The following TTN variants were observed in gnomAD, a reference collection of about 807,000 sequenced individuals.
The protein encoded by TTN is titin, also known as connectin.
In TTN, 1,525 loss-of-function variants were observed where a neutral mutation model predicts 3,223.0. That is an observed-to-expected ratio of 0.47 (90% CI 0.45 to 0.49). TTN has a LOEUF of 0.49. TTN is among the 20% of genes least tolerant of loss of function. TTN has a pLI of 0.00. For missense variants in TTN, 40,786 were observed against 43,424.0 expected, an observed-to-expected ratio of 0.94 and a Z score of 5.40; for synonymous variants, 14,094 against 15,161.0, an observed-to-expected ratio of 0.93 and a Z score of 5.17.
Position 178,671,124 on chromosome 2 carries a change from A to G in TTN, c.35274T>C (p.Thr11758=). 1 of 1,605,108 alleles carries G rather than the reference A, an allele frequency of 6.2e-7. No individual in the cohort carries two copies. The highest frequency in any genetic ancestry group is 8.5e-7 in the Non-Finnish European group (1 of 1,176,256). ...EKIIPPKKPP[T]KVVPRKEPPA... Reference sequence around the variant, plus strand: ...GTGGCTCTTTTCGAGGAACAACTTTAGTGGGCGGTTTTTTTGGAGGGATGA... The same window carrying G: ...GTGGCTCTTTTCGAGGAACAACTTTGGTGGGCGGTTTTTTTGGAGGGATGA... The change falls in exon 156 of 363, where the codon ACT becomes ACC. Residue 11758 remains threonine, a synonymous_variant. Transcript: ENST00000589042.
At chr2:178,644,669 G>A (rs2061657553) in intron 217 of TTN, 53 bp from the exon 218 acceptor site, 3 of 1,352,934 alleles carry the variant, frequency 2.2e-6, no homozygotes, top group Admixed American at 5.9e-5. Flanking sequence ...TCTGAAGCAA[G>A]TGATTAACTT....
chr2:178,548,796 G>A lies in TTN; in HGVS notation c.92830C>T (p.Arg30944Cys), dbSNP rs1393282264. 13 of 1,612,664 alleles carry A rather than the reference G, an allele frequency of 8.1e-6. No individual in the cohort carries two copies. Among genetic ancestry groups the A allele is most frequent in the East Asian group, 2.2e-5 (1 of 44,862 alleles). Residue 30944 changes from arginine (R) to cysteine (C), a missense_variant, in exon 339 of 363, where the codon CGC (arginine) becomes TGC (cysteine). Transcript: ENST00000589042. The surrounding 1 kb of genome is among the most constrained non-coding windows in gnomAD (Gnocchi z 4.3). Reference sequence around the variant, plus strand: ...CTACCTTGGTAGGCAATGAAGAGGCGAATACTGGCCCCAGCTCTAACAACA... The same window carrying A: ...CTACCTTGGTAGGCAATGAAGAGGCAAATACTGGCCCCAGCTCTAACAACA... ...THVVRAGASI[R>C]LFIAYQGRPT...
In TTN at chr2:178,696,237, C is replaced by T. The variant is rs1387185323; in HGVS notation, c.30835G>A (p.Glu10279Lys). 5.8e-6 allele frequency: 9 copies of T among 1,561,180 alleles called. No homozygotes were observed. The highest frequency in any genetic ancestry group is 1.7e-4 in the Middle Eastern group (1 of 5,968). The change falls in exon 114 of 363, where the codon GAA becomes AAA. Residue 10279 changes from glutamate to lysine, a missense_variant. Physicochemically the swap from Glu to Lys is moderately conservative, Grantham distance 56 (BLOSUM62 1). Transcript: ENST00000589042. ...PEIIDVSSKAEEVKIMTITRK... is the reference protein window; with the variant it reads ...PEIIDVSSKAKEVKIMTITRK... ...GTTATAGTCATTATTTTTACTTCTT[C>T]AGCTTTAGAGGATACATCAATGATT... is the stretch of plus-strand genomic sequence containing the variant.
chr2:178,704,816 T>TCC lies in TTN; in HGVS notation c.29695-41_29695-40dup, dbSNP rs1464087440. ...GAATTAAAACACATTTGTTACTCCT[T>TCC]CCCTTATAATAATACTCAATAATAA... On this transcript the variant is annotated intron_variant, in intron 104 of 362. Transcript: ENST00000589042. 7 of 1,607,718 alleles carry TCC rather than the reference T, an allele frequency of 4.4e-6. No homozygotes were observed. The South Asian group carries it at 7.8e-5, about 18-fold the overall frequency.
At chr2:178,637,279 T>A in intron 224 of TTN, 90 bp downstream of exon 224, 1 of 849,292 alleles carries the variant, frequency 1.2e-6, no homozygotes, top group Admixed American at 4.1e-5. Context: ...AAAATTGTTA[T>A]GAATTTTGAA....
Position 178,577,337 on chromosome 2 carries a change from G to T in TTN, c.68998C>A (p.Pro23000Thr). ...TTGATAGTAAGCATGGAAGATGTTG[G>T]GGTTGAAGTTATCTGAGTGATATCT... ...PSDITQITST[P>T]TSSMLTIKYA... Residue 23000 changes from proline (P) to threonine (T), a missense_variant, in exon 324 of 363, where the codon CCA becomes ACA. Physicochemically the swap from Pro to Thr is conservative, Grantham distance 38 (BLOSUM62 -1). Coordinates refer to ENST00000589042, the MANE Select transcript of TTN (RefSeq NM_001267550.2). The T allele has an allele frequency of 1.2e-6, 2 of 1,612,670 alleles. No individual in the cohort carries two copies. Among genetic ancestry groups the T allele is most frequent in the Non-Finnish European group, 1.7e-6 (2 of 1,179,448 alleles).
At chr2:178,730,466 T>C in intron 61 of TTN, 39 bp downstream of exon 61, 1 of 1,561,386 alleles carries the variant, frequency 6.4e-7, no homozygotes. Flanking sequence ...ACAAAAATAT[T>C]TTGTAAGTTC....
chr2:178,546,980 T>G, intron 340 of TTN, 23 bp downstream of exon 340: 1 of 1,595,476 alleles, frequency 6.3e-7, no homozygotes, highest in Non-Finnish European at 8.6e-7. Flanking sequence ...TAAACAAATA[T>G]GCCCTTAAAT....
In TTN at chr2:178,581,718, C is replaced by T. The variant is rs1262240030; in HGVS notation, c.66550G>A (p.Gly22184Ser). ...AGATAACCAATGATAGGGCTGCCGC[C>T]GTCATAGGCTGGCTTGCCCCAAGAT... ...SLSWGKPAYD[G>S]GSPIIGYLVE... The change falls in exon 316 of 363, where the codon GGC becomes AGC. Residue 22184 changes from glycine to serine, a missense_variant. Gly to Ser is a moderately conservative substitution (Grantham distance 56). Coordinates refer to ENST00000589042, the MANE Select transcript of TTN (RefSeq NM_001267550.2). 4 of 1,610,474 alleles carry T rather than the reference C, an allele frequency of 2.5e-6. No individual in the cohort carries two copies. Among genetic ancestry groups the T allele is most frequent in the African/African-American group, 1.3e-5 (1 of 74,818 alleles).
chr2:178,746,636 C>T (rs775495155), intron 47 of TTN: 8 of 1,613,278 alleles, frequency 5.0e-6, no homozygotes, highest in Admixed American at 1.7e-5. Context: ...TACAGCATGA[C>T]ACATGTACTC....
intron 2 of TTN, among the ~76,000 whole-genome samples, chr2:178,802,845 G>A (rs1293479830): frequency 6.6e-6 from 1 of 152,174 alleles, no homozygotes; most frequent in African/African-American, 2.4e-5. Context: ...CAGGGACACT[G>A]TCTTCTTGGA....
At chr2:178,764,036 A>C in intron 43 of TTN, 141 bp downstream of exon 43, 1 of 1,266,072 alleles carries the variant, frequency 7.9e-7, no homozygotes. Context: ...TTAATAATTG[A>C]AATAAGTTTT....
intron 47 of TTN, chr2:178,749,740 A>C: frequency 1.2e-6 from 2 of 1,612,928 alleles, no homozygotes; most frequent in Non-Finnish European, 1.7e-6. Flanking sequence ...GAGAATTAAC[A>C]TCCTTAATAT....
rs876658104 is a variant in TTN at position 178,749,148 on chromosome 2, A to T, written c.11311+3976T>A. 1 of 1,612,632 alleles carries T rather than the reference A, an allele frequency of 6.2e-7. No homozygotes were observed. ...CTCTCAGAGTGAATATTTGGTAAAT[A>T]GTCACTTTGGGCACATTCTTGTACA... On this transcript the variant is annotated intron_variant, in intron 47 of 362. Transcript: ENST00000589042.
Position 178,781,020 on chromosome 2 carries a change from G to A in TTN, c.3523+101C>T, listed in dbSNP as rs1322458764. 14 of 1,517,146 alleles carry A rather than the reference G, an allele frequency of 9.2e-6. No individual in the cohort carries two copies. In the African/African-American group the frequency reaches 1.6e-4, roughly 18 times the overall value. The allele number at this position is 1,517,146 out of a possible 1,614,324, so 94.0% of individuals were successfully genotyped here. On this transcript the variant is annotated intron_variant, in intron 21 of 362. Coordinates refer to ENST00000589042, the MANE Select transcript of TTN (RefSeq NM_001267550.2). The stretch of plus-strand genomic sequence containing the variant: ...GCAAAGACACTGGGGCAAAGTATCA[G>A]AACCAGTAAGTGGCAACAGGTTTTT...
In TTN at chr2:178,730,665, G is replaced by C. The variant is rs879248826; in HGVS notation, c.17868C>G (p.Asp5956Glu). Reference protein sequence around the residue: ...HPISIQWFKDDQEISASEKYK... With the variant: ...HPISIQWFKDEQEISASEKYK... ...ACTTTTCACTAGCTGATATTTCTTGGTCATCTTTGAACCACTGGATGCTTA... is the reference window on the plus strand; with the variant it reads ...ACTTTTCACTAGCTGATATTTCTTGCTCATCTTTGAACCACTGGATGCTTA... The change falls in exon 61 of 363, where the codon GAC becomes GAG. Residue 5956 changes from aspartate (D) to glutamate (E), a missense_variant. Physicochemically the swap from Asp to Glu is conservative, Grantham distance 45 (BLOSUM62 2). Transcript: ENST00000589042. The C allele has an allele frequency of 6.2e-7, 1 of 1,613,482 alleles. No individual in the cohort carries two copies.
Position 178,587,755 on chromosome 2 carries a change from A to G in TTN, c.63554T>C (p.Ile21185Thr), listed in dbSNP as rs794729473. 1.2e-6 allele frequency: 2 copies of G among 1,610,344 alleles called. No individual in the cohort carries two copies. The highest frequency in any genetic ancestry group is 1.1e-5 in the South Asian group (1 of 90,726). The part of the protein sequence containing the change: ...DLDASMRKLV[I>T]VRAGCPIRLF... ...ACGAATAGGGCATCCTGCTCTCACT[A>G]TGACCAGTTTCCTCATGCTGGCATC... Residue 21185 changes from isoleucine to threonine, a missense_variant, in exon 306 of 363, where the codon ATA (isoleucine) becomes ACA (threonine). Physicochemically the swap from Ile to Thr is moderately conservative, Grantham distance 89. Coordinates refer to ENST00000589042, the MANE Select transcript of TTN (RefSeq NM_001267550.2).
Position 178,775,491 on chromosome 2 carries a change from A to G in TTN, c.6373T>C (p.Tyr2125His), listed in dbSNP as rs2092122812. Residue 2125 changes from tyrosine to histidine, a missense_variant, in exon 28 of 363, where the codon TAC becomes CAC. By Grantham distance (83) the Tyr-to-His change is moderately conservative. Transcript: ENST00000589042. ...GVKIERSDRI[Y>H]WYWPEDNVCE... ...ACATTGTCTTCGGGCCAGTACCAGT[A>G]GATCCGGTCAGACCGTTCAATTTTG... 1.2e-6 allele frequency: 2 copies of G among 1,613,936 alleles called. No homozygotes were observed.
rs1306079131 is a variant in TTN, at chr2:178,724,093, C to A, written c.21166G>T (p.Val7056Leu). 1 of 1,613,332 alleles carries A rather than the reference C, an allele frequency of 6.2e-7. No individual in the cohort carries two copies. The highest frequency in any genetic ancestry group is 8.5e-7 in the Non-Finnish European group (1 of 1,179,542). ...TCCAAGATGCAAGAAGCACCTAACA[C>A]CCCACCAGTATTTTTCAGTCTTCGT... ...FTRRLKNTGG[V>L]LGASCILECK... The change falls in exon 73 of 363, where the codon GTG becomes TTG. Residue 7056 changes from valine (V) to leucine (L), a missense_variant. Physicochemically the swap from Val to Leu is conservative, Grantham distance 32. Coordinates refer to ENST00000589042, the MANE Select transcript of TTN (RefSeq NM_001267550.2).
Sources: allele counts gnomAD v4.1 joint callset (sites outside exome capture counted in the v4.1 genomes callset), GRCh38; gene constraint gnomAD v4.1.1; non-coding constraint Gnocchi (gnomAD v3.1); transcripts MANE v1.5; gene names NCBI Gene and HGNC (gene_info 2026-07-23, HGNC 2026-07-21).